Variants in GRM1 observed in about 807,000 individuals in gnomAD.
GRM1 encodes the protein glutamate metabotropic receptor 1.
GRM1 carries 33 observed loss-of-function variants against 90.9 expected under a neutral mutation model. The observed-to-expected ratio is 0.36, with a 90% CI of 0.28 to 0.49. GRM1 has a LOEUF of 0.49. Among genes scored for constraint, GRM1 ranks in the 20% least tolerant of loss-of-function variants. GRM1 has a pLI of 0.99. For synonymous variants in GRM1, 700 were observed against 613.2 expected, an observed-to-expected ratio of 1.14 and a Z score of -2.09; for missense variants, 1,190 against 1,534.3, an observed-to-expected ratio of 0.78 and a Z score of 3.75.
At chr6:146,131,832 C>G (rs946245760) in intron 1 of GRM1, among the ~76,000 whole-genome samples, 2 of 152,078 alleles carry the variant, frequency 1.3e-5, no homozygotes, top group Admixed American at 1.3e-4. Context: ...TATCTATGTC[C>G]AACCATAAGT....
intron 2 of GRM1, among the ~76,000 whole-genome samples, chr6:146,196,027 A>T (rs1011337460): frequency 1.3e-5 from 2 of 152,214 alleles, no homozygotes; most frequent in Admixed American, 1.3e-4. Context: ...ATTTTCCTGA[A>T]CAAAGGTATC....
intron 3 of GRM1, among the ~76,000 whole-genome samples, chr6:146,318,656 C>T (rs905878076): frequency 2.3e-4 from 35 of 152,284 alleles, no homozygotes; most frequent in African/African-American, 8.4e-4. Flanking sequence ...CACATCCTCT[C>T]CAGAATCTGT....
At chr6:146,061,271 T>C (rs191015795) in intron 1 of GRM1, among the ~76,000 whole-genome samples, 5 of 152,100 alleles carry the variant, frequency 3.3e-5, no homozygotes, top group Non-Finnish European at 7.4e-5. Flanking sequence ...ATAACCCAAA[T>C]GTGACAGAGA....
At chr6:146,336,225 G>T (rs1465210385) in intron 3 of GRM1, among the ~76,000 whole-genome samples, 1 of 152,062 alleles carries the variant, frequency 6.6e-6, no homozygotes, top group Admixed American at 6.6e-5. Context: ...TAGAATCTAG[G>T]CCATCCATTC....
Position 146,029,727 on chromosome 6 carries a change from C to T in GRM1, c.210C>T (p.Ile70=), listed in dbSNP as rs112221974. ...TGCCCGAGAGGAAGTGTGGGGAGAT[C>T]AGGGAGCAGTATGGCATCCAGAGGG... is the stretch of plus-strand genomic sequence containing the variant. ...EKVPERKCGE[I]REQYGIQRVE... Residue 70 remains isoleucine, a synonymous_variant, in exon 1 of 8, where the codon ATC becomes ATT. Coordinates refer to ENST00000282753, the MANE Select transcript of GRM1 (RefSeq NM_001278064.2). 536 of 1,614,032 alleles carry T rather than the reference C, an allele frequency of 3.3e-4. No homozygotes were observed. The highest frequency in any genetic ancestry group is 4.2e-4 in the Admixed American group (25 of 60,006).
chr6:146,081,946 G>C (rs1263249384), intron 1 of GRM1, among the ~76,000 whole-genome samples: 2 of 152,200 alleles, frequency 1.3e-5, no homozygotes, highest in Non-Finnish European at 2.9e-5. Flanking sequence ...ATTTTAGCCA[G>C]ATTTTGAAGG....
At position 146,399,769 on chromosome 6, in the gene GRM1, CT is replaced by C. The variant is rs1374562841; in HGVS notation, c.2660+71del. The C allele has an allele frequency of 2.0e-5, 21 of 1,052,458 alleles. No homozygotes were observed. In the African/African-American group the frequency reaches 3.1e-4, roughly 16 times the overall value. 65.2% of individuals were successfully genotyped at this position (1,052,458 alleles called of 1,614,324 possible). ...TGTCTCTTTCTCTCTCTCTCTCTCT[CT>C]CTCTTTCTCTGTCTCTCATATCTTC... On this transcript the variant is annotated intron_variant, in intron 7 of 7. Coordinates refer to ENST00000282753, the MANE Select transcript of GRM1 (RefSeq NM_001278064.2). This position sits in a 1 kb window ranked among gnomAD's most constrained non-coding sequence, Gnocchi z 5.4.
intron 2 of GRM1, among the ~76,000 whole-genome samples, chr6:146,211,366 G>A (rs539785567): frequency 2.0e-5 from 3 of 150,500 alleles, no homozygotes; most frequent in Non-Finnish European, 4.4e-5. Context: ...AAAAAGGAAA[G>A]CAAAGAAAAT....
chr6:146,396,101 T>TATCTATCTATCG (rs1165501668), intron 6 of GRM1, among the ~76,000 whole-genome samples: 2 of 151,864 alleles, frequency 1.3e-5, no homozygotes, highest in Non-Finnish European at 2.9e-5. Context: ...TCTATCTATC[T>TATCTATCTATCG]ATCGTCTATA....
In GRM1 at chr6:146,352,413, G is replaced by T. The variant is rs768235862; in HGVS notation, c.1350G>T (p.Leu450=). Residue 450 remains leucine, a synonymous_variant, in exon 4 of 8, where the codon CTG becomes CTT. Coordinates refer to ENST00000282753, the MANE Select transcript of GRM1 (RefSeq NM_001278064.2). ...DAMKPIDGSK[L]LDFLIKSSFI... Reference sequence around the variant, plus strand: ...TGAAGCCCATCGACGGCAGCAAGCTGCTGGACTTCCTCATCAAGTCCTCAT... The same window carrying T: ...TGAAGCCCATCGACGGCAGCAAGCTTCTGGACTTCCTCATCAAGTCCTCAT... 26 of 1,614,014 alleles carry T rather than the reference G, an allele frequency of 1.6e-5. No homozygotes were observed. The highest frequency in any genetic ancestry group is 2.2e-5 in the Non-Finnish European group (26 of 1,179,852).
chr6:146,408,652 G>A (rs190801865), intron 7 of GRM1, among the ~76,000 whole-genome samples: 1 of 152,268 alleles, frequency 6.6e-6, no homozygotes, highest in Admixed American at 6.5e-5. Context: ...TTAGCCTTAT[G>A]CATTCATTAT....
intron 1 of GRM1, among the ~76,000 whole-genome samples, chr6:146,055,308 C>A (rs980746501): frequency 3.9e-5 from 6 of 151,988 alleles, no homozygotes; most frequent in Non-Finnish European, 7.4e-5. Flanking sequence ...GTGGCCCAAC[C>A]TCTAGCATGG....
intron 1 of GRM1, among the ~76,000 whole-genome samples, chr6:146,120,345 G>C (rs75534981): frequency 1.3e-5 from 2 of 152,098 alleles, no homozygotes; most frequent in Non-Finnish European, 2.9e-5. Flanking sequence ...GGGCTGAGAC[G>C]ATGGGGTTTT....
chr6:146,146,086 A>ATGTACTACC (rs1466169575), intron 1 of GRM1, among the ~76,000 whole-genome samples: 1 of 77,072 alleles, frequency 1.3e-5, no homozygotes, highest in African/African-American at 4.2e-5. Context: ...CCCTGTGCCT[A>ATGTACTACC]TGTACTACCA....
At chr6:146,391,680 A>G (rs1367192886) in intron 6 of GRM1, among the ~76,000 whole-genome samples, 1 of 152,098 alleles carries the variant, frequency 6.6e-6, no homozygotes. Context: ...CAAATTTAGG[A>G]TAAATTTAAA....
intron 1 of GRM1, among the ~76,000 whole-genome samples, chr6:146,048,428 A>C (rs1355492532): frequency 6.6e-6 from 1 of 152,042 alleles, no homozygotes; most frequent in Non-Finnish European, 1.5e-5. Flanking sequence ...TTTTTGAGTG[A>C]TTCCAAAACA....
At chr6:146,354,251 A>G (rs1785506954) in intron 4 of GRM1, among the ~76,000 whole-genome samples, 1 of 152,224 alleles carries the variant, frequency 6.6e-6, no homozygotes, top group Admixed American at 6.5e-5. Context: ...AGGAAATGGT[A>G]CTAGGAGCAA....
chr6:146,344,833 C>A (rs994826240), intron 3 of GRM1, among the ~76,000 whole-genome samples: 1 of 151,154 alleles, frequency 6.6e-6, no homozygotes, highest in Admixed American at 6.6e-5. Flanking sequence ...TTTTTTGAGA[C>A]GGAGTTTCAC....
chr6:146,356,729 A>G (rs145860534), intron 4 of GRM1, among the ~76,000 whole-genome samples: 1 of 152,182 alleles, frequency 6.6e-6, no homozygotes, highest in Admixed American at 6.5e-5. Flanking sequence ...TAGAAAAGAG[A>G]CCAGCTTGTA....
Sources: gnomAD v4.1 joint callset for allele counts (sites outside exome capture counted in the v4.1 genomes callset) on GRCh38, gnomAD v4.1.1 for gene constraint, Gnocchi (gnomAD v3.1) non-coding constraint, MANE v1.5 for transcripts, NCBI Gene and HGNC (gene_info 2026-07-23, HGNC 2026-07-21) for gene names.